Variants in CNTNAP2 observed in about 807,000 individuals in gnomAD.
CNTNAP2 encodes contactin-associated protein-like 2.
CNTNAP2 carries 98 observed loss-of-function variants against 155.2 expected under a neutral mutation model. That is an observed-to-expected ratio of 0.63 (90% confidence interval 0.54 to 0.75). The LOEUF is 0.75. CNTNAP2 is among the 30% of genes least tolerant of loss of function. The probability of loss-of-function intolerance (pLI) is 0.00; values close to 1 mark genes in which losing one functional copy is unlikely to be tolerated. For synonymous variants in CNTNAP2, 651 were observed against 631.2 expected, an observed-to-expected ratio of 1.03 and a Z score of -0.47; for missense variants, 1,727 against 1,688.1, an observed-to-expected ratio of 1.02 and a Z score of -0.40.
chr7:146,563,426 A>T (rs1798310930), intron 1 of CNTNAP2, among the ~76,000 whole-genome samples: 1 of 152,120 alleles, frequency 6.6e-6, no homozygotes, highest in South Asian at 2.1e-4. Flanking sequence ...TGGTATTATT[A>T]ATACTGCCTA....
At chr7:146,543,053 T>A (rs1464134838) in intron 1 of CNTNAP2, among the ~76,000 whole-genome samples, 1 of 151,956 alleles carries the variant, frequency 6.6e-6, no homozygotes, top group Non-Finnish European at 1.5e-5. Context: ...GTTGAGTAGA[T>A]TTTAAATGTT....
chr7:147,836,096 C>A (rs1373558625), intron 13 of CNTNAP2, among the ~76,000 whole-genome samples: 2 of 152,136 alleles, frequency 1.3e-5, no homozygotes, highest in African/African-American at 4.8e-5. Context: ...GAAACTAATA[C>A]AACTATGAAA....
chr7:147,113,417 G>T (rs1042087561), intron 5 of CNTNAP2, among the ~76,000 whole-genome samples: 3 of 151,112 alleles, frequency 2.0e-5, no homozygotes, highest in Admixed American at 2.0e-4. Context: ...CTGGTATAAA[G>T]AACTGCCCAA....
At chr7:148,049,511 G>A (rs572293231) in intron 15 of CNTNAP2, among the ~76,000 whole-genome samples, 1 of 152,186 alleles carries the variant, frequency 6.6e-6, no homozygotes, top group East Asian at 1.9e-4. Flanking sequence ...AACTAGTAAA[G>A]TGAATGTAAC....
intron 1 of CNTNAP2, among the ~76,000 whole-genome samples, chr7:146,484,087 G>A (rs991251955): frequency 4.6e-5 from 7 of 152,038 alleles, no homozygotes; most frequent in African/African-American, 1.2e-4. Context: ...CTATTTTTAT[G>A]TTTATATATC....
At chr7:146,290,962 C>T (rs1325052902) in intron 1 of CNTNAP2, among the ~76,000 whole-genome samples, 4 of 152,092 alleles carry the variant, frequency 2.6e-5, no homozygotes, top group Non-Finnish European at 5.9e-5. Flanking sequence ...CCTATAATAC[C>T]GTAATTCCTT....
At chr7:147,270,578 C>T (rs1426827797) in intron 8 of CNTNAP2, among the ~76,000 whole-genome samples, 2 of 152,224 alleles carry the variant, frequency 1.3e-5, no homozygotes, top group African/African-American at 4.8e-5. Flanking sequence ...GCTGTATGTA[C>T]ATCGCCACCC....
At chr7:148,320,323 G>A (rs1051891300) in intron 21 of CNTNAP2, among the ~76,000 whole-genome samples, 2 of 148,584 alleles carry the variant, frequency 1.3e-5, no homozygotes, top group African/African-American at 4.9e-5. Context: ...GGCAGTGGCA[G>A]TTAGTGGTAG....
At chr7:146,947,695 C>T (rs1050922841) in intron 3 of CNTNAP2, among the ~76,000 whole-genome samples, 1 of 149,678 alleles carries the variant, frequency 6.7e-6, no homozygotes, top group Non-Finnish European at 1.5e-5. Flanking sequence ...TGCTTGAGAT[C>T]AGGGGTTTGA....
intron 15 of CNTNAP2, among the ~76,000 whole-genome samples, chr7:148,097,294 C>CATGCAACCAGAAA (rs1803991777): frequency 7.4e-6 from 1 of 135,252 alleles, no homozygotes; most frequent in African/African-American, 2.8e-5. Flanking sequence ...CCATGTGTCC[C>CATGCAACCAGAAA]ATGCAACCAG....
intron 8 of CNTNAP2, among the ~76,000 whole-genome samples, chr7:147,184,820 G>A (rs1802531276): frequency 6.6e-6 from 1 of 152,170 alleles, no homozygotes; most frequent in Admixed American, 6.5e-5. Context: ...GAAAGAACAT[G>A]TTGGGAAAAT....
At chr7:147,615,433 C>A (rs1214610573) in intron 12 of CNTNAP2, among the ~76,000 whole-genome samples, 1 of 111,384 alleles carries the variant, frequency 9.0e-6, no homozygotes, top group African/African-American at 3.5e-5. Context: ...GAACCTGTCT[C>A]AAAAAAAACT....
chr7:147,553,331 A>G (rs1010931617), intron 11 of CNTNAP2, among the ~76,000 whole-genome samples: 6 of 152,168 alleles, frequency 3.9e-5, no homozygotes, highest in Non-Finnish European at 8.8e-5. Context: ...TGATCTCAGG[A>G]CAAGCATGGA....
chr7:147,981,711 TAAAGAAAATCAGTGCATGCC>T (rs1196551861), intron 15 of CNTNAP2, among the ~76,000 whole-genome samples: 1 of 152,076 alleles, frequency 6.6e-6, no homozygotes, highest in East Asian at 1.9e-4. Flanking sequence ...ATCAAAATGC[TAAAGAAAATCAGTGCATGCC>T]ACTCAGATCT....
chr7:147,911,814 C>T (rs1800071591), intron 14 of CNTNAP2, among the ~76,000 whole-genome samples: 1 of 152,020 alleles, frequency 6.6e-6, no homozygotes, highest in Non-Finnish European at 1.5e-5. Context: ...AATAATATTC[C>T]ATTGTGTGGG....
chr7:147,302,074 C>T (rs1289766890), intron 9 of CNTNAP2, among the ~76,000 whole-genome samples: 2 of 152,146 alleles, frequency 1.3e-5, no homozygotes, highest in East Asian at 3.9e-4. Context: ...AACAAGCTGT[C>T]TTATGAGTGA....
intron 1 of CNTNAP2, among the ~76,000 whole-genome samples, chr7:146,133,159 G>A (rs1229638379): frequency 3.3e-5 from 5 of 151,770 alleles, no homozygotes; most frequent in Non-Finnish European, 5.9e-5. Flanking sequence ...TTCTCTGATG[G>A]CCAGTGATGA....
intron 11 of CNTNAP2, among the ~76,000 whole-genome samples, chr7:147,540,783 A>T (rs147152352): frequency 6.6e-6 from 1 of 152,040 alleles, no homozygotes; most frequent in East Asian, 1.9e-4. Flanking sequence ...ATGAGCCGAG[A>T]TGGTGCCACT....
chr7:146,275,873 GC>G (rs1236183080), intron 1 of CNTNAP2, among the ~76,000 whole-genome samples: 9 of 152,172 alleles, frequency 5.9e-5, no homozygotes, highest in African/African-American at 2.2e-4. Context: ...CCTCCTGGGA[GC>G]AATTTTGCTT....
Sources: allele counts gnomAD v4.1 joint callset (sites outside exome capture counted in the v4.1 genomes callset), GRCh38; gene constraint gnomAD v4.1.1; transcripts MANE v1.5; gene names NCBI Gene and HGNC (gene_info 2026-07-23, HGNC 2026-07-21).